ADAMTS3: variants seen among roughly 807,000 people sequenced by gnomAD.
ADAMTS3 encodes A disintegrin and metalloproteinase with thrombospondin motifs 3.
A neutral mutation model predicts 129.0 loss-of-function variants in ADAMTS3; 73 were observed. The observed-to-expected ratio is 0.57, with a 90% CI of 0.47 to 0.69. The LOEUF (loss-of-function observed/expected upper bound fraction) is 0.69. Ranked by LOEUF, ADAMTS3 falls within the 30% of genes least tolerant of loss-of-function variation. ADAMTS3 has a pLI of 0.00. For missense variants in ADAMTS3, 1,457 were observed against 1,514.5 expected, an observed-to-expected ratio of 0.96 and a Z score of 0.63; for synonymous variants, 477 against 510.8, an observed-to-expected ratio of 0.93 and a Z score of 0.89.
At chr4:72,296,666 T>A (rs1718817038) in intron 18 of ADAMTS3, among the ~76,000 whole-genome samples, 1 of 152,074 alleles carries the variant, frequency 6.6e-6, no homozygotes, top group African/African-American at 2.4e-5. Context: ...TCCTAAATAC[T>A]TCAGCACAGA....
rs777872497 is a variant in ADAMTS3 at position 72,339,471 on chromosome 4, T to C, written c.861+23A>G. 8 of 1,611,154 alleles carry C rather than the reference T, an allele frequency of 5.0e-6. No individual in the cohort carries two copies. The South Asian group carries it at 8.8e-5, about 18-fold the overall frequency. On this transcript the variant is annotated intron_variant, in intron 5 of 21. Coordinates refer to ENST00000286657, the MANE Select transcript of ADAMTS3 (RefSeq NM_014243.3). ...GAAGTGAATTAAAAGATCAAAAAGC[T>C]TTAAAAAGGAGTCACTACTCACAAT...
intron 3 of ADAMTS3, among the ~76,000 whole-genome samples, chr4:72,467,265 TTAGG>T (rs879492328): frequency 6.6e-6 from 1 of 152,018 alleles, no homozygotes; most frequent in Non-Finnish European, 1.5e-5. Flanking sequence ...AATCCTATAC[TTAGG>T]TAGCCCCAAA....
intron 16 of ADAMTS3, among the ~76,000 whole-genome samples, chr4:72,304,486 G>A (rs1284556794): frequency 2.0e-5 from 3 of 151,796 alleles, no homozygotes; most frequent in South Asian, 2.1e-4. Context: ...ATAATGTAAC[G>A]GTTAATTATT....
chr4:72,531,651 T>C (rs1183302297), intron 3 of ADAMTS3, among the ~76,000 whole-genome samples: 1 of 152,160 alleles, frequency 6.6e-6, no homozygotes, highest in Non-Finnish European at 1.5e-5. Context: ...GCTTTCTCTG[T>C]TGCCTTGTGG....
At chr4:72,529,138 A>T (rs1720891698) in intron 3 of ADAMTS3, among the ~76,000 whole-genome samples, 1 of 152,180 alleles carries the variant, frequency 6.6e-6, no homozygotes, top group Non-Finnish European at 1.5e-5. Context: ...TTCTTACAGA[A>T]GAAAAGCTGA....
intron 3 of ADAMTS3, among the ~76,000 whole-genome samples, chr4:72,509,791 CCAGA>C (rs1327800452): frequency 1.6e-5 from 2 of 128,614 alleles, no homozygotes; most frequent in African/African-American, 6.5e-5. Context: ...GTTACCAAAA[CCAGA>C]CAAAGACACA....
intron 3 of ADAMTS3, among the ~76,000 whole-genome samples, chr4:72,431,020 GT>G (rs1427515205): frequency 6.6e-6 from 1 of 151,706 alleles, no homozygotes; most frequent in Non-Finnish European, 1.5e-5. Context: ...GATTTTTTTT[GT>G]TCCATCAATG....
chr4:72,371,572 C>T (rs1443483290), intron 4 of ADAMTS3, among the ~76,000 whole-genome samples: 2 of 151,810 alleles, frequency 1.3e-5, no homozygotes, highest in East Asian at 3.9e-4. Context: ...GATTAAAAAA[C>T]TCAACCCACT....
At chr4:72,361,610 A>G (rs761050369) in intron 4 of ADAMTS3, among the ~76,000 whole-genome samples, 9 of 152,102 alleles carry the variant, frequency 5.9e-5, no homozygotes, top group Non-Finnish European at 1.2e-4. Flanking sequence ...TTGGGTCTTG[A>G]TACATCCATA....
chr4:72,538,942 T>G (rs900798042), intron 3 of ADAMTS3, among the ~76,000 whole-genome samples: 1 of 152,100 alleles, frequency 6.6e-6, no homozygotes, highest in Non-Finnish European at 1.5e-5. Flanking sequence ...AAATGGAGCT[T>G]GGAAAACTTG....
chr4:72,486,913 A>G (rs1169463773), intron 3 of ADAMTS3, among the ~76,000 whole-genome samples: 2 of 152,174 alleles, frequency 1.3e-5, no homozygotes, highest in African/African-American at 4.8e-5. Flanking sequence ...TATAGCAAAT[A>G]ATAAATGCTC....
intron 20 of ADAMTS3, among the ~76,000 whole-genome samples, chr4:72,290,199 A>G (rs1270673467): frequency 6.6e-6 from 1 of 152,214 alleles, no homozygotes; most frequent in Non-Finnish European, 1.5e-5. Context: ...AAGGCATACT[A>G]TTTTTGAGAA....
rs1319398005 is a variant in ADAMTS3 at position 72,529,974 on chromosome 4, TATAA to T, written c.504+18500_504+18503del. Among the ~76,000 whole-genome samples the T allele has an allele frequency of 1.8e-3, 2 of 1,098 alleles. 1 individual carries two copies. The highest frequency in any genetic ancestry group is 2.0e-3 in the African/African-American group (2 of 978). 0.7% of individuals were successfully genotyped at this position (1,098 alleles called of 152,430 possible). ...TAATATATAATATATTATATTTATA[TATAA>T]ATATAATATATTATATTTATATATA... On this transcript the variant is annotated intron_variant, in intron 3 of 21. Coordinates refer to ENST00000286657, the MANE Select transcript of ADAMTS3 (RefSeq NM_014243.3).
chr4:72,395,355 A>G (rs1375339967), intron 4 of ADAMTS3, among the ~76,000 whole-genome samples: 1 of 152,216 alleles, frequency 6.6e-6, no homozygotes, highest in Non-Finnish European at 1.5e-5. Flanking sequence ...ATATCCATAT[A>G]TGCAGTCTAG....
chr4:72,513,847 C>G (rs1194060456), intron 3 of ADAMTS3, among the ~76,000 whole-genome samples: 1 of 152,148 alleles, frequency 6.6e-6, no homozygotes, highest in Non-Finnish European at 1.5e-5. Flanking sequence ...TCCCATCCTT[C>G]CTCTTTTTAG....
intron 3 of ADAMTS3, among the ~76,000 whole-genome samples, chr4:72,543,494 A>C (rs1721388689): frequency 6.6e-6 from 1 of 152,188 alleles, no homozygotes; most frequent in Non-Finnish European, 1.5e-5. Context: ...ATGAATAAAT[A>C]AAATGTGACA....
intron 3 of ADAMTS3, among the ~76,000 whole-genome samples, chr4:72,426,246 A>ATTC (rs1218307937): frequency 1.3e-5 from 2 of 152,164 alleles, no homozygotes; most frequent in Non-Finnish European, 2.9e-5. Flanking sequence ...CCTTTGTCAG[A>ATTC]TGAGTAGATT....
intron 3 of ADAMTS3, among the ~76,000 whole-genome samples, chr4:72,486,084 C>T (rs1719584432): frequency 6.6e-6 from 1 of 152,160 alleles, no homozygotes; most frequent in Non-Finnish European, 1.5e-5. Context: ...AAGATGATAC[C>T]TAGTACGTGC....
chr4:72,467,506 GT>G (rs1340368311), intron 3 of ADAMTS3, among the ~76,000 whole-genome samples: 1 of 151,928 alleles, frequency 6.6e-6, no homozygotes, highest in Non-Finnish European at 1.5e-5. Flanking sequence ...ATCCCATCTT[GT>G]ATCTCCAACT....
Sources: gnomAD v4.1 joint callset for allele counts (sites outside exome capture counted in the v4.1 genomes callset) on GRCh38, gnomAD v4.1.1 for gene constraint, MANE v1.5 for transcripts, NCBI Gene and HGNC (gene_info 2026-07-23, HGNC 2026-07-21) for gene names.